The following TTC6 variants were observed in gnomAD, a reference collection of about 807,000 sequenced individuals.
The protein encoded by TTC6 is tetratricopeptide repeat protein 6.
In TTC6, 172 loss-of-function variants were observed where a neutral mutation model predicts 210.4. The observed-to-expected ratio is 0.82, with a 90% CI of 0.72 to 0.93. The LOEUF (loss-of-function observed/expected upper bound fraction) is 0.93, where lower values mean the gene tolerates loss of function less well. Ranked by LOEUF, TTC6 falls within the 40% of genes least tolerant of loss-of-function variation. TTC6 has a pLI of 0.00. For synonymous variants in TTC6, 804 were observed against 819.6 expected (o/e 0.98, Z 0.32); for missense variants, 2,414 against 2,318.1 (o/e 1.04, Z -0.85).
chr14:37,749,985 T>C (rs760366461), intron 12 of TTC6, 142 bp downstream of exon 14: 4 of 485,730 alleles, frequency 8.2e-6, no homozygotes, highest in Non-Finnish European at 9.3e-6. Context: ...ACTCTTGTTA[T>C]TGTAAATCCG....
At chr14:37,823,879 A>C in exon 27 of TTC6, 1 of 1,614,042 alleles carries the variant, frequency 6.2e-7, no homozygotes, top group Middle Eastern at 1.6e-4. Flanking sequence ...CCAAGCAAGC[A>C]CAGAAAGACT....
chr14:37,774,577 G>A (rs1419372164), intron 14 of TTC6, among the ~76,000 whole-genome samples: 1 of 152,146 alleles, frequency 6.6e-6, no homozygotes, highest in East Asian at 1.9e-4. Context: ...TGCATCTCAG[G>A]GATAAAGCCT....
At chr14:37,710,500 G>T (rs2095842912) in intron 5 of TTC6, among the ~76,000 whole-genome samples, 1 of 152,172 alleles carries the variant, frequency 6.6e-6, no homozygotes. Flanking sequence ...TCTGAGAGAG[G>T]TGGGCTTGTT....
chr14:37,838,603 A>C (rs1448998732), intron 29 of TTC6, among the ~76,000 whole-genome samples: 3 of 152,148 alleles, frequency 2.0e-5, no homozygotes, highest in African/African-American at 7.2e-5. Flanking sequence ...CCTTATTTTG[A>C]AAATTCCCTT....
At chr14:37,624,236 C>G (rs1373525886) in intron 1 of TTC6, among the ~76,000 whole-genome samples, 1 of 152,154 alleles carries the variant, frequency 6.6e-6, no homozygotes, top group African/African-American at 2.4e-5. Flanking sequence ...CCCATTGTTA[C>G]TGAACAAGAT....
At chr14:37,647,251 C>A (rs1264506298) in intron 1 of TTC6, among the ~76,000 whole-genome samples, 1 of 152,138 alleles carries the variant, frequency 6.6e-6, no homozygotes, top group Non-Finnish European at 1.5e-5. Flanking sequence ...ATGACATGAT[C>A]TGATCTTGTT....
chr14:37,641,978 G>A (rs936502189), intron 1 of TTC6, among the ~76,000 whole-genome samples: 10 of 152,108 alleles, frequency 6.6e-5, no homozygotes, highest in African/African-American at 2.2e-4. Context: ...GTTTTTATTC[G>A]GATTGCATCA....
chr14:37,600,290 T>G (rs2095613144), intron 1 of TTC6, among the ~76,000 whole-genome samples: 1 of 152,072 alleles, frequency 6.6e-6, no homozygotes, highest in Non-Finnish European at 1.5e-5. Context: ...TGGGCGAGGG[T>G]AGGTCAGGAC....
intron 4 of TTC6, among the ~76,000 whole-genome samples, 165 bp from the exon 7 acceptor site, chr14:37,701,167 G>A (rs1483757711): frequency 6.6e-6 from 1 of 152,158 alleles, no homozygotes; most frequent in East Asian, 1.9e-4. Context: ...AATGGCCTGA[G>A]ATTGTGATAT....
chr14:37,713,907 A>G (rs2095848498), intron 5 of TTC6, among the ~76,000 whole-genome samples: 1 of 152,228 alleles, frequency 6.6e-6, no homozygotes. Flanking sequence ...AGGGAACAGT[A>G]GCTTTAAATG....
chr14:37,771,623 C>T lies in TTC6; in HGVS notation c.3267-15845C>T, dbSNP rs928957828. 5.3e-5 allele frequency among the ~76,000 whole-genome samples: 8 copies of T among 152,144 alleles called. No individual in the cohort carries two copies. The East Asian group carries it at 5.8e-4, about 11-fold the overall frequency. Reference sequence around the variant, plus strand: ...GCTCCTGAGGCTTCTGCATTCTTCACGTAGTTCTCGAGCCTTGGTTTTCAG... The same window carrying T: ...GCTCCTGAGGCTTCTGCATTCTTCATGTAGTTCTCGAGCCTTGGTTTTCAG... On this transcript the variant is annotated intron_variant, in intron 14 of 30. Transcript: ENST00000553443.
chr14:37,607,312 C>A (rs1481128326), intron 2 of TTC6, among the ~76,000 whole-genome samples: 1 of 152,216 alleles, frequency 6.6e-6, no homozygotes, highest in Non-Finnish European at 1.5e-5. Flanking sequence ...AAGGCCTCAG[C>A]ATCTTTGGTT....
At chr14:37,821,719 C>A (rs1422090897) in intron 26 of TTC6, among the ~76,000 whole-genome samples, 1 of 145,268 alleles carries the variant, frequency 6.9e-6, no homozygotes, top group East Asian at 2.0e-4. Context: ...AAAATGAATT[C>A]TTTCTCAAAC....
At chr14:37,630,907 G>GTGTTTTTTTTTTTTTTTTT (rs2095668293) in intron 1 of TTC6, among the ~76,000 whole-genome samples, 2 of 33,064 alleles carry the variant, frequency 6.0e-5, no homozygotes. Context: ...GGCAACCCCT[G>GTGTTTTTTTTTTTTTTTTT]TTTTTTTTTT....
chr14:37,597,034 TG>T (rs1298278763), intron 1 of TTC6, among the ~76,000 whole-genome samples: 3 of 122,818 alleles, frequency 2.4e-5, no homozygotes, highest in South Asian at 5.2e-4. Context: ...ACAAAAAGGG[TG>T]GGGGGGTAGA....
intron 14 of TTC6, among the ~76,000 whole-genome samples, chr14:37,784,598 A>T (rs2096063338): frequency 1.3e-5 from 2 of 152,250 alleles, no homozygotes; most frequent in South Asian, 4.1e-4. Flanking sequence ...GTGTCTTTTA[A>T]TTGGAGCATT....
intron 7 of TTC6, among the ~76,000 whole-genome samples, chr14:37,727,008 G>A (rs34740378): frequency 0.059 from 8,900 of 151,086 alleles, 381 homozygotes; most frequent in Non-Finnish European, 0.089. Context: ...TTTTTAAATT[G>A]AATACTTTCC....
intron 1 of TTC6, among the ~76,000 whole-genome samples, chr14:37,675,650 A>T (rs1288458378): frequency 1.3e-5 from 2 of 151,760 alleles, no homozygotes; most frequent in African/African-American, 2.4e-5. Context: ...GAACCACCAA[A>T]CCTTTCCACA....
chr14:37,728,942 A>G (rs981169126), intron 7 of TTC6, among the ~76,000 whole-genome samples: 4 of 152,172 alleles, frequency 2.6e-5, no homozygotes, highest in Admixed American at 2.0e-4. Context: ...GCCATTGTTA[A>G]ATGCATTTCG....
Sources: gnomAD v4.1 joint callset for allele counts (sites outside exome capture counted in the v4.1 genomes callset) on GRCh38, gnomAD v4.1.1 for gene constraint, MANE v1.5 for transcripts, NCBI Gene and HGNC (gene_info 2026-07-23, HGNC 2026-07-21) for gene names.